AUNIP: variants seen among roughly 807,000 people sequenced by gnomAD.
The protein encoded by AUNIP is aurora kinase A- and ninein-interacting protein.
In AUNIP, 16 loss-of-function variants were observed where a neutral mutation model predicts 12.2. The ratio of observed to expected loss-of-function variants is 1.31; its 90% CI spans 0.88 to 1.99. AUNIP has a LOEUF of 1.99. Among genes scored for constraint, AUNIP ranks in the 30% most tolerant of loss-of-function variants. The probability of loss-of-function intolerance (pLI) is 0.00; values close to 1 mark genes in which losing one functional copy is unlikely to be tolerated. For missense variants in AUNIP, 411 were observed against 419.1 expected (o/e 0.98, Z 0.17); for synonymous variants, 142 against 154.8 (o/e 0.92, Z 0.61).
chr1:25,835,757 C>G lies in AUNIP; in HGVS notation c.310G>C (p.Asp104His). Residue 104 changes from aspartate to histidine, a missense_variant, in exon 3 of 3, where the codon GAC becomes CAC. Coordinates refer to ENST00000374298, the MANE Select transcript of AUNIP (RefSeq NM_024037.3). Reference protein sequence around the residue: ...KESKKNATQLDHLIPGLAHDC... With the variant: ...KESKKNATQLHHLIPGLAHDC... ...TGTGCTAAGCCTGGGATCAAATGGT[C>G]TAGCTGGGTCGCATTTTTCTTGGAC... The G allele has an allele frequency of 6.2e-7, 1 of 1,614,208 alleles. No individual in the cohort carries two copies. The highest frequency in any genetic ancestry group is 8.5e-7 in the Non-Finnish European group (1 of 1,180,042).
At chr1:25,839,375 G>A (rs554925053) in intron 1 of AUNIP, among the ~76,000 whole-genome samples, 2 of 152,298 alleles carry the variant, frequency 1.3e-5, no homozygotes, top group Non-Finnish European at 2.9e-5. Context: ...CATGTATTAG[G>A]TGAAACCCCA....
chr1:25,841,351 C>T (rs1044977802), intron 1 of AUNIP, among the ~76,000 whole-genome samples: 1 of 152,152 alleles, frequency 6.6e-6, no homozygotes. Context: ...CCTTGCTTTA[C>T]ACTTTGAAGA....
chr1:25,854,939 A>G (rs1398116028), intron 1 of AUNIP, among the ~76,000 whole-genome samples: 3 of 148,820 alleles, frequency 2.0e-5, no homozygotes, highest in Non-Finnish European at 4.5e-5. Flanking sequence ...TATGACCTAG[A>G]TTCAGAATTC....
At chr1:25,857,539 G>A (rs923398814) in intron 1 of AUNIP, among the ~76,000 whole-genome samples, 3 of 146,818 alleles carry the variant, frequency 2.0e-5, no homozygotes, top group African/African-American at 2.5e-5. Flanking sequence ...GTGAGCCACC[G>A]CACCCGGCCA....
rs2048394048 is a variant in AUNIP at position 25,847,701 on chromosome 1, A to G, written c.79-10147T>C. Among the ~76,000 whole-genome samples the G allele has an allele frequency of 6.6e-6, 1 of 152,098 alleles. No individual in the cohort carries two copies. The highest frequency in any genetic ancestry group is 2.4e-5 in the African/African-American group (1 of 41,424). Reference sequence around the variant, plus strand: ...CCAGACACAGTGGCTCACACCTGTAATCCCAGCACTTTGGGAGGCACATCA... The same window carrying G: ...CCAGACACAGTGGCTCACACCTGTAGTCCCAGCACTTTGGGAGGCACATCA... On this transcript the variant is annotated intron_variant, in intron 1 of 2. Transcript: ENST00000374298. This position sits in a 1 kb window ranked among gnomAD's most constrained non-coding sequence, Gnocchi z 4.2.
intron 1 of AUNIP, among the ~76,000 whole-genome samples, chr1:25,849,197 C>T (rs1261570938): frequency 6.6e-6 from 1 of 152,152 alleles, no homozygotes; most frequent in Non-Finnish European, 1.5e-5. Context: ...AAATCTGGCC[C>T]TTCATTTAAG....
In AUNIP at chr1:25,834,017, C is replaced by T; in HGVS notation, c.*976G>A. 1.0e-6 allele frequency: 1 copy of T among 984,100 alleles called. No homozygotes were observed. Among genetic ancestry groups the T allele is most frequent in the Non-Finnish European group, 1.2e-6 (1 of 828,780 alleles). The allele number at this position is 984,100 out of a possible 1,614,324, so 61.0% of individuals were successfully genotyped here. ...ATTATCACAAGAGCCACTTTGTAAA[C>T]ATTTATTTGGATTCATAGTTTTACA... On this transcript the variant is annotated 3_prime_UTR_variant, in exon 3 of 3. Coordinates refer to ENST00000374298, the MANE Select transcript of AUNIP (RefSeq NM_024037.3).
intron 2 of AUNIP, 81 bp from the exon 3 acceptor site, chr1:25,835,927 G>C (rs2048299574): frequency 1.9e-6 from 3 of 1,547,550 alleles, no homozygotes; most frequent in Non-Finnish European, 2.6e-6. Flanking sequence ...TCTGAAATCA[G>C]TATCAGCTAC....
chr1:25,844,281 GTTT>G (rs1296107773), intron 1 of AUNIP, among the ~76,000 whole-genome samples: 2 of 152,082 alleles, frequency 1.3e-5, no homozygotes, highest in African/African-American at 4.8e-5. Context: ...TAATTTTTGT[GTTT>G]TTAGTAGAGA....
rs144192106 is a variant in AUNIP, at chr1:25,859,344, C to T, written c.14G>A (p.Gly5Asp). Residue 5 changes from glycine to aspartate, a missense_variant, in exon 1 of 3, where the codon GGC becomes GAC. Transcript: ENST00000374298. Reference sequence around the variant, plus strand: ...CACGCCGCAGGCCTCCTCCTCGGGGCCTGTCCGCCTCATGGCCGCTGAGGA... The same window carrying T: ...CACGCCGCAGGCCTCCTCCTCGGGGTCTGTCCGCCTCATGGCCGCTGAGGA... MRRT[G>D]PEEEACGVWL... 2 of 1,548,446 alleles carry T rather than the reference C, an allele frequency of 1.3e-6. No individual in the cohort carries two copies. The highest frequency in any genetic ancestry group is 1.2e-5 in the South Asian group (1 of 84,020).
rs572556729 is a variant in AUNIP at position 25,842,970 on chromosome 1, T to C, written c.79-5416A>G. Among the ~76,000 whole-genome samples the C allele has an allele frequency of 6.9e-4, 105 of 152,120 alleles. 1 individual carries two copies. Among genetic ancestry groups the C allele is most frequent in the African/African-American group, 2.4e-3 (101 of 41,496 alleles). Reference sequence around the variant, plus strand: ...CTGAGGCAGGCAGATTGCTTGAGCCTAGGAGTTTGAGACCAGCCTGGGCAA... The same window carrying C: ...CTGAGGCAGGCAGATTGCTTGAGCCCAGGAGTTTGAGACCAGCCTGGGCAA... On this transcript the variant is annotated intron_variant, in intron 1 of 2. Transcript: ENST00000374298.
At chr1:25,844,209 C>A (rs1006286016) in intron 1 of AUNIP, among the ~76,000 whole-genome samples, 2 of 152,112 alleles carry the variant, frequency 1.3e-5, no homozygotes, top group Non-Finnish European at 2.9e-5. Context: ...CGGGTTCAAG[C>A]GATTCTCCTG....
chr1:25,837,332 C>T (rs1221097280), intron 2 of AUNIP, 81 bp downstream of exon 2: 1 of 1,447,214 alleles, frequency 6.9e-7, no homozygotes, highest in Non-Finnish European at 9.4e-7. Flanking sequence ...CACCATTTCT[C>T]ATAAATGGTC....
At chr1:25,849,976 T>G (rs1040593795) in intron 1 of AUNIP, among the ~76,000 whole-genome samples, 1 of 152,190 alleles carries the variant, frequency 6.6e-6, no homozygotes. Context: ...TGTTCATCAG[T>G]TGATGACTAC....
chr1:25,840,182 G>A (rs1293107084), intron 1 of AUNIP, among the ~76,000 whole-genome samples: 1 of 152,042 alleles, frequency 6.6e-6, no homozygotes, highest in Non-Finnish European at 1.5e-5. Flanking sequence ...TATGCGCAAG[G>A]ATTTGAAGGA....
Position 25,837,467 on chromosome 1 carries a change from G to A in AUNIP, c.166C>T (p.Pro56Ser). 2 of 1,614,082 alleles carry A rather than the reference G, an allele frequency of 1.2e-6. No individual in the cohort carries two copies. Among genetic ancestry groups the A allele is most frequent in the East Asian group, 4.5e-5 (2 of 44,864 alleles). Residue 56 changes from proline to serine, a missense_variant, in exon 2 of 3, where the codon CCA becomes TCA. Pro to Ser is a moderately conservative substitution (Grantham distance 74). Coordinates refer to ENST00000374298, the MANE Select transcript of AUNIP (RefSeq NM_024037.3). ...ANIYFTQRRA[P>S]STGIHQRSIA... Reference sequence around the variant, plus strand: ...CTTCTCTGGTGAATGCCTGTAGATGGAGCTCTTCTTTGAGTAAAATAAATA... The same window carrying A: ...CTTCTCTGGTGAATGCCTGTAGATGAAGCTCTTCTTTGAGTAAAATAAATA...
intron 1 of AUNIP, among the ~76,000 whole-genome samples, chr1:25,856,555 AT>A (rs956490042): frequency 1.3e-5 from 2 of 151,896 alleles, no homozygotes; most frequent in Non-Finnish European, 2.9e-5. Context: ...CATGCCTGTA[AT>A]CCCAGCTACT....
chr1:25,845,828 T>C (rs2048379456), intron 1 of AUNIP, among the ~76,000 whole-genome samples: 1 of 152,198 alleles, frequency 6.6e-6, no homozygotes, highest in Non-Finnish European at 1.5e-5. Context: ...GCTTTTCTAA[T>C]GCTGTGATCC....
chr1:25,837,111 T>C (rs532880072), intron 2 of AUNIP, among the ~76,000 whole-genome samples: 1 of 152,336 alleles, frequency 6.6e-6, no homozygotes, highest in South Asian at 2.1e-4. Flanking sequence ...ACCTAACTAA[T>C]GGCAGGGCAA....
Sources: gnomAD v4.1 joint callset for allele counts (sites outside exome capture counted in the v4.1 genomes callset) on GRCh38, gnomAD v4.1.1 for gene constraint, Gnocchi (gnomAD v3.1) non-coding constraint, MANE v1.5 for transcripts, NCBI Gene and HGNC (gene_info 2026-07-23, HGNC 2026-07-21) for gene names.